Variants in CHSY1 observed in about 807,000 individuals in gnomAD.
CHSY1 encodes N-acetylgalactosaminyl-proteoglycan 3-beta-glucuronosyltransferase 1.
Under a neutral mutation model 59.8 loss-of-function variants are expected in CHSY1, and 13 were observed. That is an observed-to-expected ratio of 0.22 (90% CI 0.14 to 0.35). The LOEUF (loss-of-function observed/expected upper bound fraction) is 0.35. CHSY1 is among the 10% of genes least tolerant of loss of function. The probability of loss-of-function intolerance (pLI) is 1.00; values close to 1 mark genes in which losing one functional copy is unlikely to be tolerated. For synonymous variants in CHSY1, 459 were observed against 401.2 expected (o/e 1.14, Z -1.72); for missense variants, 947 against 1,030.6 (o/e 0.92, Z 1.11).
intron 2 of CHSY1, among the ~76,000 whole-genome samples, chr15:101,198,164 G>C (rs2038529363): frequency 6.6e-6 from 1 of 152,090 alleles, no homozygotes; most frequent in Non-Finnish European, 1.5e-5. Flanking sequence ...TTGTGCTTAA[G>C]ACCTGGCTCT....
At chr15:101,239,684 C>T (rs967677336) in intron 1 of CHSY1, among the ~76,000 whole-genome samples, 2 of 152,018 alleles carry the variant, frequency 1.3e-5, no homozygotes, top group South Asian at 2.1e-4. Context: ...CAGGAGCACA[C>T]GGAGCAAAGG....
chr15:101,239,657 C>T (rs1158619017), intron 1 of CHSY1, among the ~76,000 whole-genome samples: 2 of 152,220 alleles, frequency 1.3e-5, no homozygotes, highest in Admixed American at 1.3e-4. Context: ...GTGGGCTCCA[C>T]GTGGACTAGT....
chr15:101,247,372 C>T (rs752024542), intron 1 of CHSY1, among the ~76,000 whole-genome samples: 1 of 152,188 alleles, frequency 6.6e-6, no homozygotes, highest in East Asian at 1.9e-4. Flanking sequence ...TCCCTAATCA[C>T]CTAACACAGA....
At chr15:101,236,123 G>GCA (rs2038938817) in intron 1 of CHSY1, among the ~76,000 whole-genome samples, 1 of 152,154 alleles carries the variant, frequency 6.6e-6, no homozygotes, top group Non-Finnish European at 1.5e-5. Context: ...CTCCCAAAGG[G>GCA]CAGAGCACAG....
intron 1 of CHSY1, among the ~76,000 whole-genome samples, chr15:101,236,130 A>G (rs2038938923): frequency 6.6e-6 from 1 of 152,220 alleles, no homozygotes; most frequent in South Asian, 2.1e-4. Flanking sequence ...AGGGCAGAGC[A>G]CAGGACATGA....
chr15:101,178,171 C>T lies in CHSY1; in HGVS notation c.1626G>A (p.Gly542=). The change falls in exon 3 of 3, where the codon GGG becomes GGA. Residue 542 remains glycine (G), a synonymous_variant. Transcript: ENST00000254190. ...TAAATCTCACAAACATGTCGAAACG[C>T]CCAGACAAAGGAATCAGTATGTTTA... ...KKINILIPLS[G]RFDMFVRFMG... is the part of the protein sequence containing the mutation. The T allele has an allele frequency of 1.9e-6, 3 of 1,614,210 alleles. No individual in the cohort carries two copies. Among genetic ancestry groups the T allele is most frequent in the Non-Finnish European group, 2.5e-6 (3 of 1,180,046 alleles).
At chr15:101,184,806 T>A (rs978159527) in intron 2 of CHSY1, among the ~76,000 whole-genome samples, 1 of 152,182 alleles carries the variant, frequency 6.6e-6, no homozygotes, top group African/African-American at 2.4e-5. Context: ...CCCTGCTCTG[T>A]CCCAGAGGAG....
At chr15:101,213,345 T>C (rs760508866) in intron 2 of CHSY1, among the ~76,000 whole-genome samples, 14 of 140,604 alleles carry the variant, frequency 1.0e-4, no homozygotes, top group Non-Finnish European at 2.1e-4. Flanking sequence ...AAGTCAAAAC[T>C]GCGTGAGGTA....
chr15:101,180,082 G>A (rs2038255298), intron 2 of CHSY1, among the ~76,000 whole-genome samples: 1 of 152,188 alleles, frequency 6.6e-6, no homozygotes, highest in Non-Finnish European at 1.5e-5. Flanking sequence ...CTGGCTGACT[G>A]GTTTATTTGC....
intron 2 of CHSY1, among the ~76,000 whole-genome samples, chr15:101,201,331 T>C (rs960761226): frequency 6.6e-6 from 1 of 152,206 alleles, no homozygotes; most frequent in Non-Finnish European, 1.5e-5. Context: ...CCCCCGACCC[T>C]CAGCCTTCCG....
At position 101,247,427 on chromosome 15, in the gene CHSY1, A is replaced by G. The variant is rs150381684; in HGVS notation, c.320+3710T>C. Among the ~76,000 whole-genome samples the G allele has an allele frequency of 8.7e-3, 1,323 of 152,280 alleles. 22 individuals carry two copies. Among genetic ancestry groups the G allele is most frequent in the East Asian group, 0.071 (368 of 5,188 alleles). Reference sequence around the variant, plus strand: ...CCCAACCCTGTTCTATTTTCTCTACAGCATCCATCACTAGCAGAAACCCTC... The same window carrying G: ...CCCAACCCTGTTCTATTTTCTCTACGGCATCCATCACTAGCAGAAACCCTC... On this transcript the variant is annotated intron_variant, in intron 1 of 2. Transcript: ENST00000254190.
rs777577489 is a variant in CHSY1 at position 101,177,783 on chromosome 15, T to C, written c.2014A>G (p.Lys672Glu). The C allele has an allele frequency of 4.3e-6, 7 of 1,614,132 alleles. No individual in the cohort carries two copies. In the African/African-American group the frequency reaches 8.0e-5, roughly 18 times the overall value. ...QYDPKIVYSG[K>E]VPSDNHFAFT... ...GCAAAATGGTTGTCACTGGGAACTTTCCCACTATAAACAATCTTTGGGTCA... is the reference window on the plus strand; with the variant it reads ...GCAAAATGGTTGTCACTGGGAACTTCCCCACTATAAACAATCTTTGGGTCA... The change falls in exon 3 of 3, where the codon AAA becomes GAA. Residue 672 changes from lysine to glutamate, a missense_variant. By Grantham distance (56) the Lys-to-Glu change is moderately conservative. Transcript: ENST00000254190.
At chr15:101,211,921 C>CAA (rs79234555) in intron 2 of CHSY1, among the ~76,000 whole-genome samples, 15 of 120,288 alleles carry the variant, frequency 1.2e-4, no homozygotes, top group African/African-American at 3.3e-4. Flanking sequence ...ATATATCATC[C>CAA]AAAAAAAAAA....
intron 2 of CHSY1, among the ~76,000 whole-genome samples, chr15:101,234,837 A>G (rs981011346): frequency 1.3e-5 from 2 of 152,204 alleles, no homozygotes; most frequent in Admixed American, 1.3e-4. Context: ...ACTGCACTCC[A>G]GCCTGGGAGA....
intron 1 of CHSY1, chr15:101,242,685 C>G (rs370540344): frequency 6.6e-6 from 1 of 152,306 alleles, no homozygotes; most frequent in Non-Finnish European, 1.5e-5. Flanking sequence ...AGTGATGCCA[C>G]GGGCCTCTCC....
intron 1 of CHSY1, among the ~76,000 whole-genome samples, chr15:101,247,188 T>TA: frequency 6.6e-6 from 1 of 152,284 alleles, no homozygotes. Flanking sequence ...GCTCTTCTTT[T>TA]ACTGGCCTTC....
intron 2 of CHSY1, among the ~76,000 whole-genome samples, chr15:101,232,641 T>TA (rs2038902803): frequency 6.6e-6 from 1 of 152,204 alleles, no homozygotes; most frequent in Non-Finnish European, 1.5e-5. Flanking sequence ...AGATTGCACT[T>TA]AGATTCACAA....
At position 101,199,904 on chromosome 15, in the gene CHSY1, T is replaced by C. The variant is rs563585848; in HGVS notation, c.817-20924A>G. On this transcript the variant is annotated intron_variant, in intron 2 of 2. Coordinates refer to ENST00000254190, the MANE Select transcript of CHSY1 (RefSeq NM_014918.5). ...CGAACAGCAGCGTATGTTCATTTGA[T>C]CCCTGTGTCTAACAGCATTACAGCT... Among the ~76,000 whole-genome samples, 3 of 152,286 alleles carry C rather than the reference T, an allele frequency of 2.0e-5. No homozygotes were observed. The South Asian group carries it at 6.2e-4, about 32-fold the overall frequency.
At chr15:101,207,549 C>T (rs1467908621) in intron 2 of CHSY1, among the ~76,000 whole-genome samples, 1 of 152,084 alleles carries the variant, frequency 6.6e-6, no homozygotes, top group Non-Finnish European at 1.5e-5. Context: ...CACTCAAGTG[C>T]CTCATATGTT....
Sources: gnomAD v4.1 joint callset for allele counts (sites outside exome capture counted in the v4.1 genomes callset) on GRCh38, gnomAD v4.1.1 for gene constraint, MANE v1.5 for transcripts, NCBI Gene and HGNC (gene_info 2026-07-23, HGNC 2026-07-21) for gene names.